The following ESR1 variants were observed in gnomAD, a reference collection of about 807,000 sequenced individuals.
ESR1 encodes estrogen receptor 1.
In ESR1, 12 loss-of-function variants were observed where a neutral mutation model predicts 52.7. The observed-to-expected ratio is 0.23, with a 90% CI of 0.15 to 0.37. ESR1 has a LOEUF of 0.37. Among genes scored for constraint, ESR1 ranks in the 10% least tolerant of loss-of-function variants. The pLI, the probability that ESR1 is intolerant of heterozygous loss-of-function variation, is 1.00. For missense variants in ESR1, 584 were observed against 779.7 expected (o/e 0.75, Z 2.99); for synonymous variants, 305 against 316.8 (o/e 0.96, Z 0.39).
intron 4 of ESR1, among the ~76,000 whole-genome samples, chr6:151,995,359 G>A (rs1285828369): frequency 1.3e-5 from 2 of 151,680 alleles, no homozygotes; most frequent in Admixed American, 6.6e-5. Context: ...CCATCCATTC[G>A]TCTATTCATC....
chr6:151,935,544 T>A (rs1375257950), intron 3 of ESR1, among the ~76,000 whole-genome samples: 1 of 152,174 alleles, frequency 6.6e-6, no homozygotes, highest in East Asian at 1.9e-4. Flanking sequence ...CCAGGTCACC[T>A]ACCTTCACCC....
intron 2 of ESR1, among the ~76,000 whole-genome samples, chr6:151,738,532 T>G (rs1400084631): frequency 1.3e-5 from 2 of 152,212 alleles, no homozygotes; most frequent in Middle Eastern, 3.2e-3. Flanking sequence ...GCTCGCTATT[T>G]TTTGGGTGTT....
chr6:151,789,947 G>A (rs987225589), intron 2 of ESR1, among the ~76,000 whole-genome samples: 12 of 152,204 alleles, frequency 7.9e-5, no homozygotes, highest in Admixed American at 2.0e-4. Flanking sequence ...GAACGTTGGC[G>A]TGAGTTGTTG....
chr6:151,809,612 A>T (rs1290458325), intron 1 of ESR1, among the ~76,000 whole-genome samples: 1 of 152,142 alleles, frequency 6.6e-6, no homozygotes, highest in Non-Finnish European at 1.5e-5. Context: ...GTTTCCAGGG[A>T]TATTTATAGC....
At chr6:152,018,865 T>C (rs1279230147) in intron 5 of ESR1, among the ~76,000 whole-genome samples, 2 of 152,128 alleles carry the variant, frequency 1.3e-5, no homozygotes, top group Admixed American at 6.5e-5. Flanking sequence ...CAACACTTAC[T>C]TAACTGCTTT....
At chr6:152,096,619 T>G (rs1173701921) in intron 7 of ESR1, 1 of 455,790 alleles carries the variant, frequency 2.2e-6, no homozygotes, top group Non-Finnish European at 4.4e-6. Context: ...GAATTCGGCT[T>G]CTACTTGGTA....
At chr6:151,737,810 A>T (rs2128052052) in intron 2 of ESR1, among the ~76,000 whole-genome samples, 1 of 152,336 alleles carries the variant, frequency 6.6e-6, no homozygotes, top group East Asian at 1.9e-4. Flanking sequence ...TATATTTTGG[A>T]AATTATTCCA....
chr6:151,755,883 A>C lies in ESR1; in HGVS notation c.-70-51960A>C, dbSNP rs532474701. The stretch of plus-strand genomic sequence containing the variant: ...TGACCTCAGGTGATCTGCCCGCTTC[A>C]GCCTCCCGAAGTGCTGGGATTACAG... On this transcript the variant is annotated intron_variant, in intron 2 of 2. Coordinates refer to the ESR1 transcript ENST00000404742. Among the ~76,000 whole-genome samples, 8 of 152,124 alleles carry C rather than the reference A, an allele frequency of 5.3e-5. No individual in the cohort carries two copies. In the South Asian group the frequency reaches 1.5e-3, roughly 28 times the overall value.
intron 1 of ESR1, among the ~76,000 whole-genome samples, chr6:151,840,048 C>T (rs576470563): frequency 7.9e-5 from 12 of 152,242 alleles, no homozygotes; most frequent in African/African-American, 2.6e-4. Flanking sequence ...TCTGGCCATG[C>T]GTATACTGTT....
chr6:152,057,772 G>A (rs562042260), intron 5 of ESR1, among the ~76,000 whole-genome samples: 76 of 151,618 alleles, frequency 5.0e-4, no homozygotes, highest in Non-Finnish European at 9.0e-4. Flanking sequence ...CATCCCTGAG[G>A]GCACAGTCTA....
At chr6:151,985,474 C>T (rs1430744144) in intron 4 of ESR1, among the ~76,000 whole-genome samples, 1 of 126,804 alleles carries the variant, frequency 7.9e-6, no homozygotes, top group East Asian at 2.5e-4. Context: ...CGCCACTGCA[C>T]TCTAGCTGGG....
Position 151,808,381 on chromosome 6 carries a change from C to T in ESR1, c.452+17C>T. ...ATTCTACAGGTACCCGCGCCCGCGC[C>T]GCCCGTCGGGGTGGCCGCCGCGCCC... On this transcript the variant is annotated intron_variant, in intron 1 of 7. Coordinates refer to ENST00000206249, the MANE Select transcript of ESR1 (RefSeq NM_000125.4). 1 of 1,401,668 alleles carries T rather than the reference C, an allele frequency of 7.1e-7. No homozygotes were observed. The highest frequency in any genetic ancestry group is 9.2e-7 in the Non-Finnish European group (1 of 1,089,492). The allele number at this position is 1,401,668 out of a possible 1,614,324, so 86.8% of individuals were successfully genotyped here. A position where few individuals can be genotyped will look rare whatever the true frequency, so the allele number is the denominator to read the frequency against.
At chr6:151,961,958 A>G (rs2037726137) in intron 4 of ESR1, among the ~76,000 whole-genome samples, 1 of 152,152 alleles carries the variant, frequency 6.6e-6, no homozygotes, top group South Asian at 2.1e-4. Context: ...GAAAATGAGT[A>G]TGATGAGTCA....
chr6:152,107,742 G>T (rs1172419804), downstream of ESR1, among the ~76,000 whole-genome samples: 1 of 152,074 alleles, frequency 6.6e-6, no homozygotes, highest in Non-Finnish European at 1.5e-5. Flanking sequence ...TTCCCTGCTT[G>T]TTGCTACTGC....
intron 6 of ESR1, chr6:152,122,739 G>A (rs1483411606): frequency 3.7e-6 from 6 of 1,607,584 alleles, no homozygotes; most frequent in Non-Finnish European, 5.1e-6. Context: ...GCTGCTTTTT[G>A]CCTCTGCACC....
intron 1 of ESR1, among the ~76,000 whole-genome samples, chr6:151,826,995 TGAG>T (rs1426872601): frequency 1.3e-5 from 2 of 151,920 alleles, no homozygotes; most frequent in Non-Finnish European, 2.9e-5. Flanking sequence ...CCTGGTGTCT[TGAG>T]GTACAGAGGC....
At chr6:151,795,924 G>A (rs1002552707) in intron 2 of ESR1, among the ~76,000 whole-genome samples, 5 of 151,916 alleles carry the variant, frequency 3.3e-5, no homozygotes, top group Admixed American at 6.6e-5. Flanking sequence ...CGAGGTGGGC[G>A]GATCATGAGG....
At position 152,053,498 on chromosome 6, in the gene ESR1, C is replaced by G. The variant is rs2046851238; in HGVS notation, c.1236-7493C>G. ...TCTCAATCTTTCTCTTCCTCAGTCTCTCTCCCATTCTCTTTCTCTTTCTCT... is the reference window on the plus strand; with the variant it reads ...TCTCAATCTTTCTCTTCCTCAGTCTGTCTCCCATTCTCTTTCTCTTTCTCT... On this transcript the variant is annotated intron_variant, in intron 5 of 7. Transcript: ENST00000206249. This position sits in a 1 kb window ranked among gnomAD's most constrained non-coding sequence, Gnocchi z 4.1. Among the ~76,000 whole-genome samples, 1 of 151,900 alleles carries G rather than the reference C, an allele frequency of 6.6e-6. No individual in the cohort carries two copies. The highest frequency in any genetic ancestry group is 1.5e-5 in the Non-Finnish European group (1 of 67,976).
chr6:152,102,840 AGTGT>A lies in ESR1; in HGVS notation c.*3881_*3884del, dbSNP rs931706559. The A allele has an allele frequency of 8.8e-6, 2 of 226,548 alleles. No homozygotes were observed. Among genetic ancestry groups the A allele is most frequent in the Non-Finnish European group, 1.8e-5 (2 of 113,732 alleles). 14.0% of individuals were successfully genotyped at this position (226,548 alleles called of 1,614,324 possible). The stretch of plus-strand genomic sequence containing the variant: ...GCTGCCATGTTCCAAACCCATCGTC[AGTGT>A]GTGTGTTTAGAGCTGTGCACCCTAG... On this transcript the variant is annotated 3_prime_UTR_variant, in exon 8 of 8. Coordinates refer to ENST00000206249, the MANE Select transcript of ESR1 (RefSeq NM_000125.4).
Sources: gnomAD v4.1 joint callset for allele counts (sites outside exome capture counted in the v4.1 genomes callset) on GRCh38, gnomAD v4.1.1 for gene constraint, Gnocchi (gnomAD v3.1) non-coding constraint, MANE v1.5 for transcripts, NCBI Gene and HGNC (gene_info 2026-07-23, HGNC 2026-07-21) for gene names.